The following DIP2C variants were observed in gnomAD, a reference collection of about 807,000 sequenced individuals.
DIP2C encodes the protein DIP2 acetate--CoA ligase C (putative).
Under a neutral mutation model 192.4 loss-of-function variants are expected in DIP2C, and 33 were observed. That is an observed-to-expected ratio of 0.17 (90% CI 0.13 to 0.23). The LOEUF is 0.23. DIP2C is among the 10% of genes least tolerant of loss of function. The pLI is 1.00. For missense variants in DIP2C, 1,537 were observed against 2,110.1 expected, an observed-to-expected ratio of 0.73 and a Z score of 5.32; for synonymous variants, 979 against 864.1, an observed-to-expected ratio of 1.13 and a Z score of -2.33.
At chr10:589,949 A>G (rs1163316770) in intron 1 of DIP2C, among the ~76,000 whole-genome samples, 1 of 152,236 alleles carries the variant, frequency 6.6e-6, no homozygotes, top group Non-Finnish European at 1.5e-5. Context: ...GAAGCGTGTG[A>G]TAAGTTACAT....
intron 2 of DIP2C, among the ~76,000 whole-genome samples, chr10:473,087 G>A (rs929677496): frequency 1.3e-5 from 2 of 152,148 alleles, no homozygotes; most frequent in African/African-American, 4.8e-5. Flanking sequence ...TCCATTGGAT[G>A]CCAAGTGTTT....
At chr10:628,321 C>T (rs1282957618) in intron 1 of DIP2C, among the ~76,000 whole-genome samples, 1 of 152,190 alleles carries the variant, frequency 6.6e-6, no homozygotes, top group African/African-American at 2.4e-5. Context: ...AGAACGAGAC[C>T]ATTGGCCCAA....
intron 1 of DIP2C, among the ~76,000 whole-genome samples, chr10:619,541 G>GCCCT (rs1554757196): frequency 2.3e-3 from 153 of 67,958 alleles, no homozygotes; most frequent in Non-Finnish European, 4.2e-3. Flanking sequence ...CCGCCCGCCC[G>GCCCT]CCCTCCCACC....
chr10:581,684 G>A (rs189020223), intron 1 of DIP2C, among the ~76,000 whole-genome samples: 8 of 152,282 alleles, frequency 5.3e-5, no homozygotes, highest in Admixed American at 2.6e-4. Flanking sequence ...GCACACACAG[G>A]ATGCAGGCAG....
chr10:433,541 C>T (rs964867960), intron 4 of DIP2C, among the ~76,000 whole-genome samples: 4 of 152,040 alleles, frequency 2.6e-5, no homozygotes, highest in Admixed American at 2.6e-4. Context: ...AATAGCCAGG[C>T]ATGATGACAA....
intron 17 of DIP2C, among the ~76,000 whole-genome samples, chr10:371,304 A>C (rs1960925366): frequency 6.6e-6 from 1 of 151,998 alleles, no homozygotes; most frequent in African/African-American, 2.4e-5. Flanking sequence ...GCAAAAGATC[A>C]CCCCTTGTAT....
intron 1 of DIP2C, among the ~76,000 whole-genome samples, chr10:507,769 A>C (rs1845720785): frequency 6.6e-6 from 1 of 152,204 alleles, no homozygotes; most frequent in Admixed American, 6.5e-5. Context: ...ATTCCAGCCC[A>C]GTGCCCATGT....
intron 1 of DIP2C, among the ~76,000 whole-genome samples, chr10:503,376 G>C (rs1320597526): frequency 6.6e-6 from 1 of 152,226 alleles, no homozygotes; most frequent in African/African-American, 2.4e-5. Flanking sequence ...TCAATGAAGT[G>C]GATGGACATA....
rs542903933 is a variant in DIP2C, at chr10:357,443, C to T, written c.2904+385G>A. Among the ~76,000 whole-genome samples the T allele has an allele frequency of 1.0e-3, 155 of 152,266 alleles. 2 individuals are homozygous for T. The highest frequency in any genetic ancestry group is 4.5e-3 in the Admixed American group (69 of 15,288). ...AAGGAGTAGTTCAGGGGACCGTGCG[C>T]GGGACAAGGACTGCCAGACATTTGC... is the stretch of plus-strand genomic sequence containing the variant. On this transcript the variant is annotated intron_variant, in intron 23 of 36. Transcript: ENST00000280886.
intron 1 of DIP2C, among the ~76,000 whole-genome samples, chr10:645,035 G>C (rs1255775806): frequency 6.6e-6 from 1 of 152,224 alleles, no homozygotes; most frequent in Non-Finnish European, 1.5e-5. Flanking sequence ...AGACAAGAAA[G>C]ACCCCTCCGG....
At chr10:362,159 G>T (rs190069053) in intron 22 of DIP2C, among the ~76,000 whole-genome samples, 1 of 152,122 alleles carries the variant, frequency 6.6e-6, no homozygotes, top group South Asian at 2.1e-4. Flanking sequence ...GCAACCATAC[G>T]TGTGAACCCA....
chr10:625,335 CAAA>C (rs930075458), intron 1 of DIP2C, among the ~76,000 whole-genome samples: 1 of 152,206 alleles, frequency 6.6e-6, no homozygotes, highest in African/African-American at 2.4e-5. Context: ...AAAAAAATCA[CAAA>C]AACTCAAATA....
intron 1 of DIP2C, chr10:662,948 G>A (rs772831461): frequency 7.0e-6 from 5 of 717,056 alleles, no homozygotes; most frequent in Admixed American, 6.0e-5. Context: ...TCTCAGCTCC[G>A]ACCTCTGTGA....
intron 1 of DIP2C, among the ~76,000 whole-genome samples, chr10:595,238 T>G (rs1214236444): frequency 6.6e-6 from 1 of 152,224 alleles, no homozygotes; most frequent in East Asian, 1.9e-4. Flanking sequence ...GCAGGTTTAC[T>G]CACCTGTGAC....
At chr10:591,783 C>T (rs1427937014) in intron 1 of DIP2C, among the ~76,000 whole-genome samples, 2 of 152,162 alleles carry the variant, frequency 1.3e-5, no homozygotes, top group Non-Finnish European at 2.9e-5. Context: ...CCACACCCCA[C>T]ACCCTCCTCT....
intron 1 of DIP2C, among the ~76,000 whole-genome samples, chr10:609,199 C>T (rs77504699): frequency 0.033 from 4,978 of 152,000 alleles, 271 homozygotes; most frequent in African/African-American, 0.11. Flanking sequence ...AAATTCAAGT[C>T]ACCATTCAAC....
intron 32 of DIP2C, among the ~76,000 whole-genome samples, chr10:305,381 C>G (rs1227007630): frequency 1.3e-5 from 2 of 151,858 alleles, no homozygotes; most frequent in Non-Finnish European, 2.9e-5. Flanking sequence ...TCCTGTTAAG[C>G]TGTTTGTCTT....
chr10:582,679 T>A (rs1470699004), intron 1 of DIP2C, among the ~76,000 whole-genome samples: 1 of 152,176 alleles, frequency 6.6e-6, no homozygotes, highest in Non-Finnish European at 1.5e-5. Context: ...AGCGTTTCTA[T>A]CAGGAAGAAA....
intron 24 of DIP2C, among the ~76,000 whole-genome samples, chr10:351,512 C>T (rs1393592877): frequency 6.6e-6 from 1 of 152,202 alleles, no homozygotes. Flanking sequence ...TGGCTGGTCT[C>T]CTCCATGGAG....
Sources: allele counts gnomAD v4.1 joint callset (sites outside exome capture counted in the v4.1 genomes callset), GRCh38; gene constraint gnomAD v4.1.1; transcripts MANE v1.5; gene names NCBI Gene and HGNC (gene_info 2026-07-23, HGNC 2026-07-21).